COL4A5: variants seen among roughly 807,000 people sequenced by gnomAD.
COL4A5 encodes the protein collagen type IV alpha 5 chain.
A neutral mutation model predicts 130.2 loss-of-function variants in COL4A5; 26 were observed. The observed-to-expected ratio is 0.20, with a 90% CI of 0.15 to 0.28. COL4A5 has a LOEUF of 0.28. COL4A5 is among the 10% of genes least tolerant of loss of function. The pLI, the probability that COL4A5 is intolerant of heterozygous loss-of-function variation, is 1.00. For synonymous variants in COL4A5, 496 were observed against 439.6 expected, an observed-to-expected ratio of 1.13 and a Z score of -1.60; for missense variants, 1,131 against 1,344.3, an observed-to-expected ratio of 0.84 and a Z score of 2.48.
In COL4A5 at chrX:108,680,729, C is replaced by T. The variant is rs751858178; in HGVS notation, c.3993C>T (p.Leu1331=). The change falls in exon 45 of 53, where the codon CTC becomes CTT. Residue 1331 remains leucine (L), a synonymous_variant. Transcript: ENST00000328300. The part of the protein sequence containing the change: ...GLNGMKGDPG[L]PGVPGFPGMK... ...ATGGAATGAAAGGAGATCCTGGTCT[C>T]CCTGGTGTTCCAGGATTCCCAGGTA... is the stretch of plus-strand genomic sequence containing the variant. The T allele has an allele frequency of 4.1e-6, 5 of 1,207,890 alleles. No individual in the cohort carries two copies. In the African/African-American group the frequency reaches 8.8e-5, roughly 21 times the overall value.
chrX:108,498,769 A>T (rs1213658952), intron 1 of COL4A5, among the ~76,000 whole-genome samples: 3 of 111,562 alleles, frequency 2.7e-5, no homozygotes, highest in South Asian at 3.7e-4. Context: ...ATGACTTTGG[A>T]TGCCATTGTA....
rs1010960606 is a variant in COL4A5 at position 108,587,579 on chromosome X, A to C, written c.1165+832A>C. Among the ~76,000 whole-genome samples, 5 of 112,185 alleles carry C rather than the reference A, an allele frequency of 4.5e-5. No individual in the cohort carries two copies. The South Asian group carries it at 1.1e-3, about 25-fold the overall frequency. On this transcript the variant is annotated intron_variant, in intron 19 of 52. Coordinates refer to ENST00000328300, the MANE Select transcript of COL4A5 (RefSeq NM_033380.3). Reference sequence around the variant, plus strand: ...TATTGTGAATATTGCTACAATAAACATGGAAGTGCAGATATCTCTTTGAAT... The same window carrying C: ...TATTGTGAATATTGCTACAATAAACCTGGAAGTGCAGATATCTCTTTGAAT...
chrX:108,617,000 T>A (rs2066941055), intron 30 of COL4A5, among the ~76,000 whole-genome samples: 1 of 110,892 alleles, frequency 9.0e-6, no homozygotes, highest in Admixed American at 9.6e-5. Flanking sequence ...ATTCAAGATA[T>A]TAATATGATT....
intron 46 of COL4A5, among the ~76,000 whole-genome samples, 179 bp downstream of exon 46, chrX:108,681,135 A>G (rs1257113977): frequency 9.0e-6 from 1 of 111,620 alleles, no homozygotes; most frequent in Admixed American, 9.6e-5. Flanking sequence ...TAGTAACATA[A>G]TATTGATAGC....
intron 43 of COL4A5, among the ~76,000 whole-genome samples, chrX:108,676,780 A>T (rs2068311878): frequency 8.9e-6 from 1 of 111,941 alleles, no homozygotes; most frequent in Non-Finnish European, 1.9e-5. Flanking sequence ...CTTACAAATA[A>T]AGCAATTTGA....
intron 1 of COL4A5, among the ~76,000 whole-genome samples, chrX:108,505,426 AT>A (rs751282381): frequency 1.3e-4 from 14 of 111,252 alleles, no homozygotes; most frequent in African/African-American, 3.9e-4. Context: ...TTCTAATGTA[AT>A]TTTTTTTCAT....
At chrX:108,612,656 T>C (rs1203220119) in intron 29 of COL4A5, among the ~76,000 whole-genome samples, 1 of 111,607 alleles carries the variant, frequency 9.0e-6, no homozygotes, top group Non-Finnish European at 1.9e-5. Flanking sequence ...ATCAGATACC[T>C]AAATAAATGG....
chrX:108,460,475 G>T (rs1218344226), intron 1 of COL4A5, among the ~76,000 whole-genome samples: 1 of 107,880 alleles, frequency 9.3e-6, no homozygotes, highest in Non-Finnish European at 1.9e-5. Context: ...GGTCAGGTGA[G>T]TTCCTAGGGT....
chrX:108,579,059 AT>A (rs57768008), intron 13 of COL4A5, among the ~76,000 whole-genome samples: 1 of 107,430 alleles, frequency 9.3e-6, no homozygotes, highest in African/African-American at 3.4e-5. Context: ...GTACAATTCA[AT>A]TTTTTTTTTA....
At position 108,591,075 on chromosome X, in the gene COL4A5, C is replaced by T. The variant is rs2147796628; in HGVS notation, c.1183C>T (p.Pro395Ser). 8.3e-7 allele frequency: 1 copy of T among 1,208,865 alleles called. No homozygotes were observed. The highest frequency in any genetic ancestry group is 2.2e-5 in the Admixed American group (1 of 45,958). ...AATCTTAGGGGCTGCAGTTATGGGT[C>T]CTCCTGGCCCTCCTGGATTTCCTGG... The part of the protein sequence containing the change: ...PGPPGAAVMG[P>S]PGPPGFPGER... Residue 395 changes from proline (P) to serine (S), a missense_variant, in exon 20 of 53, where the codon CCT (proline) becomes TCT (serine). Physicochemically the swap from Pro to Ser is moderately conservative, Grantham distance 74. Transcript: ENST00000328300.
chrX:108,573,781 A>G, intron 9 of COL4A5, 127 bp downstream of exon 9: 1 of 508,125 alleles, frequency 2.0e-6, no homozygotes, highest in Non-Finnish European at 3.5e-6. Context: ...TAGACATTAC[A>G]TGTACTTTCT....
chrX:108,440,971 T>C (rs1705046405), intron 1 of COL4A5, among the ~76,000 whole-genome samples: 1 of 111,709 alleles, frequency 9.0e-6, no homozygotes, highest in Admixed American at 9.5e-5. Flanking sequence ...ATACTCCTTT[T>C]TCAAAGGAGA....
chrX:108,568,564 AGGT>A, intron 4 of COL4A5, 62 bp from the exon 5 acceptor site: 10 of 742,092 alleles, frequency 1.3e-5, no homozygotes, highest in South Asian at 2.2e-5. Context: ...TAATATCCTT[AGGT>A]AGGATATTAT....
intron 47 of COL4A5, among the ~76,000 whole-genome samples, chrX:108,683,484 A>C (rs28776239): frequency 0.1 from 11,555 of 110,683 alleles, 1,303 homozygotes; most frequent in African/African-American, 0.34. Flanking sequence ...TTACTTTGGG[A>C]AGTATGGCCA....
chrX:108,644,796 AG>A (rs1165142044), intron 36 of COL4A5, among the ~76,000 whole-genome samples: 3 of 108,384 alleles, frequency 2.8e-5, no homozygotes, highest in Non-Finnish European at 3.8e-5. Flanking sequence ...GCTACTCAGG[AG>A]GCCAAGGCAG....
chrX:108,690,358 A>G (rs1419971469), intron 49 of COL4A5, among the ~76,000 whole-genome samples: 1 of 111,582 alleles, frequency 9.0e-6, no homozygotes, highest in African/African-American at 3.3e-5. Flanking sequence ...AGACTAAATC[A>G]ATGATTTTCA....
intron 30 of COL4A5, among the ~76,000 whole-genome samples, chrX:108,619,491 A>G (rs1164727671): frequency 9.0e-6 from 1 of 111,664 alleles, no homozygotes; most frequent in African/African-American, 3.3e-5. Context: ...TCCCATAAAC[A>G]TACTCTTTTT....
intron 1 of COL4A5, among the ~76,000 whole-genome samples, chrX:108,495,256 A>G (rs1276820588): frequency 9.0e-6 from 1 of 111,542 alleles, no homozygotes; most frequent in Non-Finnish European, 1.9e-5. Context: ...AAAGAAAACA[A>G]TAAAACGTTT....
intron 42 of COL4A5, among the ~76,000 whole-genome samples, chrX:108,672,913 C>T (rs1471260717): frequency 8.9e-6 from 1 of 111,805 alleles, no homozygotes; most frequent in Non-Finnish European, 1.9e-5. Flanking sequence ...TAAGTATTGT[C>T]TTGAGTTAAT....
Sources: gnomAD v4.1 joint callset for allele counts (sites outside exome capture counted in the v4.1 genomes callset) on GRCh38, gnomAD v4.1.1 for gene constraint, MANE v1.5 for transcripts, NCBI Gene and HGNC (gene_info 2026-07-23, HGNC 2026-07-21) for gene names.